The following MAML2 variants were observed in gnomAD, a reference collection of about 807,000 sequenced individuals.
MAML2 encodes mastermind-like protein 2.
MAML2 carries 22 observed loss-of-function variants against 96.1 expected under a neutral mutation model. The observed-to-expected ratio is 0.23, with a 90% CI of 0.16 to 0.33. The LOEUF (loss-of-function observed/expected upper bound fraction) is 0.33, where lower values mean the gene tolerates loss of function less well. Among genes scored for constraint, MAML2 ranks in the 10% least tolerant of loss-of-function variants. The pLI, the probability that MAML2 is intolerant of heterozygous loss-of-function variation, is 1.00. For missense variants in MAML2, 1,367 were observed against 1,392.4 expected (o/e 0.98, Z 0.29); for synonymous variants, 561 against 521.3 (o/e 1.08, Z -1.04).
intron 1 of MAML2, among the ~76,000 whole-genome samples, chr11:96,189,909 A>C (rs1447967274): frequency 2.0e-5 from 3 of 152,232 alleles, no homozygotes; most frequent in Non-Finnish European, 4.4e-5. Context: ...TTTTCTTCTA[A>C]AGTTCAGAGC....
chr11:96,292,271 A>T (rs1239219093), intron 1 of MAML2, among the ~76,000 whole-genome samples: 1 of 152,200 alleles, frequency 6.6e-6, no homozygotes, highest in Non-Finnish European at 1.5e-5. Flanking sequence ...TTAGCATTAT[A>T]TGAGGCCTTA....
intron 1 of MAML2, among the ~76,000 whole-genome samples, chr11:96,288,517 G>T (rs1246180629): frequency 6.7e-6 from 1 of 150,204 alleles, no homozygotes; most frequent in Non-Finnish European, 1.5e-5. Flanking sequence ...ACTCCAGCTC[G>T]GGTGACAACA....
At chr11:96,114,345 C>T (rs1051162781) in intron 1 of MAML2, among the ~76,000 whole-genome samples, 10 of 152,166 alleles carry the variant, frequency 6.6e-5, no homozygotes, top group African/African-American at 2.2e-4. Context: ...CTAGAGGTAC[C>T]AGATTTCAGT....
At chr11:96,314,809 G>A (rs1591128181) in intron 1 of MAML2, among the ~76,000 whole-genome samples, 2 of 152,242 alleles carry the variant, frequency 1.3e-5, no homozygotes, top group Non-Finnish European at 2.9e-5. Context: ...CAGAGGGGAA[G>A]TAGTTATGGG....
At position 96,177,916 on chromosome 11, in the gene MAML2, T is replaced by TTGTGTGTGTGTG. The variant is rs58447778; in HGVS notation, c.514-84411_514-84400dup. Reference sequence around the variant, plus strand: ...AAAATTGAATATCTGGAGACCTTAGTTGTGTGTGTGTGTGTGTGTGTGTGT... The same window carrying TTGTGTGTGTGTG: ...AAAATTGAATATCTGGAGACCTTAGTTGTGTGTGTGTGTGTGTGTGTGTGTGTGTGTGTGTGT... On this transcript the variant is annotated intron_variant, in intron 1 of 4. Transcript: ENST00000524717. 7.9e-3 allele frequency among the ~76,000 whole-genome samples: 1,109 copies of TTGTGTGTGTGTG among 139,910 alleles called. 8 individuals are homozygous for TTGTGTGTGTGTG. Among genetic ancestry groups the TTGTGTGTGTGTG allele is most frequent in the African/African-American group, 0.013 (488 of 37,688 alleles). The allele number at this position is 139,910 out of a possible 152,430, so 91.8% of individuals were successfully genotyped here.
Position 96,044,144 on chromosome 11 carries a change from A to T in MAML2, c.2139+47748T>A, listed in dbSNP as rs552826537. 2.0e-5 allele frequency among the ~76,000 whole-genome samples: 3 copies of T among 152,334 alleles called. No homozygotes were observed. The East Asian group carries it at 5.8e-4, about 29-fold the overall frequency. On this transcript the variant is annotated intron_variant, in intron 2 of 4. Transcript: ENST00000524717. ...GGGACTGGATAAACAATGGGAACCA[A>T]GCTGTGGAACAAGAACAGGGCCCGA... is the stretch of plus-strand genomic sequence containing the variant.
intron 1 of MAML2, among the ~76,000 whole-genome samples, chr11:96,097,677 C>A (rs771400151): frequency 2.0e-5 from 3 of 152,034 alleles, no homozygotes; most frequent in African/African-American, 2.4e-5. Context: ...TATCTTTTTG[C>A]CAACACGGTC....
At chr11:96,271,703 C>A (rs1200525836) in intron 1 of MAML2, among the ~76,000 whole-genome samples, 1 of 150,642 alleles carries the variant, frequency 6.6e-6, no homozygotes, top group Non-Finnish European at 1.5e-5. Flanking sequence ...CTCAGCCCTG[C>A]TCAACTGTGA....
chr11:96,108,850 C>T (rs984937837), intron 1 of MAML2, among the ~76,000 whole-genome samples: 5 of 151,742 alleles, frequency 3.3e-5, no homozygotes, highest in African/African-American at 9.7e-5. Context: ...CTGGGCAAGA[C>T]GGCAAAACCC....
At chr11:96,298,294 T>G (rs1444571003) in intron 1 of MAML2, among the ~76,000 whole-genome samples, 1 of 152,188 alleles carries the variant, frequency 6.6e-6, no homozygotes, top group East Asian at 1.9e-4. Flanking sequence ...GTGATTATAA[T>G]CATGCAAGAA....
chr11:96,186,834 C>T (rs1173010715), intron 1 of MAML2, among the ~76,000 whole-genome samples: 1 of 152,196 alleles, frequency 6.6e-6, no homozygotes, highest in Non-Finnish European at 1.5e-5. Context: ...TAGAGCCGGG[C>T]CCCTTAACAA....
At chr11:96,075,218 T>G (rs1012604100) in intron 2 of MAML2, among the ~76,000 whole-genome samples, 8 of 152,222 alleles carry the variant, frequency 5.3e-5, no homozygotes, top group African/African-American at 1.9e-4. Context: ...TTGCCTATTA[T>G]TATTGATACT....
At chr11:96,154,080 C>A (rs1205923406) in intron 1 of MAML2, among the ~76,000 whole-genome samples, 1 of 152,154 alleles carries the variant, frequency 6.6e-6, no homozygotes, top group African/African-American at 2.4e-5. Flanking sequence ...TTTGACTCTG[C>A]AAATCTGTTC....
At chr11:96,187,506 G>C (rs945819428) in intron 1 of MAML2, among the ~76,000 whole-genome samples, 5 of 152,200 alleles carry the variant, frequency 3.3e-5, no homozygotes, top group Non-Finnish European at 7.3e-5. Context: ...TTTATCCAAA[G>C]TGAGTAAGAA....
intron 1 of MAML2, among the ~76,000 whole-genome samples, chr11:96,296,060 A>T (rs1018935259): frequency 3.5e-4 from 53 of 151,798 alleles, no homozygotes; most frequent in African/African-American, 1.3e-3. Flanking sequence ...TTTAAAGTAC[A>T]TTTTCTTTTC....
intron 1 of MAML2, among the ~76,000 whole-genome samples, chr11:96,299,060 A>AAAATATATATATATATATATATAT (rs55878534): frequency 7.1e-5 from 4 of 56,328 alleles, no homozygotes; most frequent in Non-Finnish European, 1.2e-4. Context: ...AAAAAAAAAA[A>AAAATATATATATATATATATATAT]ATATATATAT....
intron 2 of MAML2, among the ~76,000 whole-genome samples, chr11:96,039,310 G>T (rs1565196459): frequency 6.8e-6 from 1 of 146,936 alleles, no homozygotes; most frequent in Non-Finnish European, 1.5e-5. Context: ...AGAGAAGAGA[G>T]GGGAGAGAGG....
At chr11:96,035,720 CTG>C (rs1858701063) in intron 2 of MAML2, among the ~76,000 whole-genome samples, 2 of 152,350 alleles carry the variant, frequency 1.3e-5, no homozygotes, top group Admixed American at 6.5e-5. Context: ...TAAGACTCCA[CTG>C]TATTCTTCCA....
At chr11:96,205,261 C>A (rs992609520) in intron 1 of MAML2, among the ~76,000 whole-genome samples, 1 of 152,186 alleles carries the variant, frequency 6.6e-6, no homozygotes, top group Non-Finnish European at 1.5e-5. Context: ...AGCAAACTTA[C>A]CAATATATTC....
Sources: allele counts gnomAD v4.1 joint callset (sites outside exome capture counted in the v4.1 genomes callset), GRCh38; gene constraint gnomAD v4.1.1; transcripts MANE v1.5; gene names NCBI Gene and HGNC (gene_info 2026-07-23, HGNC 2026-07-21).